Variants in CHD2 observed in about 807,000 individuals in gnomAD.
CHD2 encodes ATP-dependent chromatin remodeler CHD2.
Under a neutral mutation model 243.9 loss-of-function variants are expected in CHD2, and 28 were observed. That is an observed-to-expected ratio of 0.11 (90% CI 0.09 to 0.16). CHD2 has a LOEUF of 0.16. Ranked by LOEUF, CHD2 falls within the 10% of genes least tolerant of loss-of-function variation. The probability of loss-of-function intolerance (pLI) is 1.00; values close to 1 mark genes in which losing one functional copy is unlikely to be tolerated. For synonymous variants in CHD2, 775 were observed against 779.0 expected (o/e 0.99, Z 0.09); for missense variants, 1,386 against 2,209.8 (o/e 0.63, Z 7.47).
chr15:92,993,869 G>A (rs1317379471), intron 28 of CHD2, among the ~76,000 whole-genome samples: 1 of 152,202 alleles, frequency 6.6e-6, no homozygotes, highest in Non-Finnish European at 1.5e-5. Context: ...GTTCGATTGA[G>A]ACCAGGAGGC....
chr15:92,981,143 C>G (rs1368071375), intron 23 of CHD2, among the ~76,000 whole-genome samples: 1 of 151,914 alleles, frequency 6.6e-6, no homozygotes, highest in Non-Finnish European at 1.5e-5. Context: ...CATTTCTGTT[C>G]GTTTTAATTT....
intron 33 of CHD2, among the ~76,000 whole-genome samples, chr15:93,002,635 A>G (rs1567160116): frequency 2.0e-5 from 3 of 152,252 alleles, no homozygotes; most frequent in Admixed American, 1.3e-4. Flanking sequence ...ACGTTCTCAG[A>G]TTCATATTAG....
chr15:92,953,619 A>G (rs377551477), intron 14 of CHD2, 46 bp downstream of exon 14: 10 of 1,562,314 alleles, frequency 6.4e-6, no homozygotes, highest in Non-Finnish European at 7.9e-6. Flanking sequence ...TTATAAATGT[A>G]ATTTAGAAAT....
intron 19 of CHD2, chr15:92,974,645 C>G (rs2053884302): frequency 2.4e-6 from 1 of 418,204 alleles, no homozygotes; most frequent in Non-Finnish European, 4.4e-6. Flanking sequence ...TTGGCTAAAC[C>G]TGGACAGCCC....
At chr15:92,905,110 C>T in intron 2 of CHD2, 1 of 961,158 alleles carries the variant, frequency 1.0e-6, no homozygotes, top group Non-Finnish European at 1.5e-6. Context: ...TGGCAGAATA[C>T]AGCGTTAGGC....
intron 33 of CHD2, among the ~76,000 whole-genome samples, chr15:93,003,154 A>G (rs1195675183): frequency 6.6e-6 from 1 of 152,160 alleles, no homozygotes; most frequent in Non-Finnish European, 1.5e-5. Context: ...GCATTGCGGC[A>G]TGTGCCTACG....
Position 92,937,556 on chromosome 15 carries a change from A to T in CHD2, c.482A>T (p.Glu161Val). The T allele has an allele frequency of 6.2e-7, 1 of 1,613,632 alleles. No individual in the cohort carries two copies. The highest frequency in any genetic ancestry group is 8.5e-7 in the Non-Finnish European group (1 of 1,179,762). Residue 161 changes from glutamate (E) to valine (V), a missense_variant, in exon 6 of 39, where the codon GAA becomes GTA. Coordinates refer to ENST00000394196, the MANE Select transcript of CHD2 (RefSeq NM_001271.4). ...WKQEPSEDEQ[E>V]QGTSAESEPE... is the part of the protein sequence containing the mutation. Reference sequence around the variant, plus strand: ...CAGGAACCCTCAGAAGATGAACAGGAACAAGGCACCAGTGCAGAGAGTGAG... The same window carrying T: ...CAGGAACCCTCAGAAGATGAACAGGTACAAGGCACCAGTGCAGAGAGTGAG...
At position 93,023,677 on chromosome 15, in the gene CHD2, T is replaced by G. The variant is rs573140789; in HGVS notation, c.5154-695T>G. 7.0e-3 allele frequency among the ~76,000 whole-genome samples: 979 copies of G among 138,980 alleles called. 13 individuals are homozygous for G. The highest frequency in any genetic ancestry group is 0.026 in the African/African-American group (910 of 35,282). 91.2% of individuals were successfully genotyped at this position (138,980 alleles called of 152,430 possible). On this transcript the variant is annotated intron_variant, in intron 38 of 38. Transcript: ENST00000394196. ...AACACTTATTTCCTGGGTTTTTTTT[T>G]TGTGTTTTTTTTTAATGAGTATCTC...
At chr15:92,971,635 C>G in intron 17 of CHD2, 130 bp from the exon 18 acceptor site, 1 of 572,886 alleles carries the variant, frequency 1.7e-6, no homozygotes, top group Non-Finnish European at 2.8e-6. Flanking sequence ...AGAAAATATT[C>G]TTTGCTTCTT....
intron 23 of CHD2, among the ~76,000 whole-genome samples, 170 bp from the exon 24 acceptor site, chr15:92,981,195 A>G (rs1351504703): frequency 6.6e-6 from 1 of 152,176 alleles, no homozygotes; most frequent in Non-Finnish European, 1.5e-5. Flanking sequence ...ATAGTTTGAG[A>G]CATTAGATGT....
At position 93,026,175 on chromosome 15, in the gene CHD2, G is replaced by T. The variant is rs765206876; in HGVS notation, c.*1470G>T. On this transcript the variant is annotated 3_prime_UTR_variant, in exon 39 of 39. Coordinates refer to ENST00000394196, the MANE Select transcript of CHD2 (RefSeq NM_001271.4). ...CCAGTATTGTTAAGAGTATCCAAAGGCCTTTCTAGATGGAGACAGAATAAC... is the reference window on the plus strand; with the variant it reads ...CCAGTATTGTTAAGAGTATCCAAAGTCCTTTCTAGATGGAGACAGAATAAC... 2.0e-5 allele frequency: 3 copies of T among 152,590 alleles called. No homozygotes were observed. Among genetic ancestry groups the T allele is most frequent in the Non-Finnish European group, 4.4e-5 (3 of 68,044 alleles). 9.5% of individuals were successfully genotyped at this position (152,590 alleles called of 1,614,324 possible).
rs559501448 is a variant in CHD2 at position 92,963,610 on chromosome 15, C to T, written c.2001-3715C>T. Among the ~76,000 whole-genome samples the T allele has an allele frequency of 6.6e-5, 10 of 152,292 alleles. No homozygotes were observed. In the East Asian group the frequency reaches 1.7e-3, roughly 26 times the overall value. On this transcript the variant is annotated intron_variant, in intron 16 of 38. Transcript: ENST00000394196. ...TGATCTTCATTTCTTCCTGTGTATT[C>T]AGGTCGCTGTTGGGTATTGCTTTCT...
intron 7 of CHD2, among the ~76,000 whole-genome samples, chr15:92,940,340 A>C (rs113184542): frequency 6.6e-6 from 1 of 152,128 alleles, no homozygotes; most frequent in African/African-American, 2.4e-5. Flanking sequence ...CTGCAGTCCC[A>C]GCTACTTGGG....
intron 2 of CHD2, chr15:92,904,885 G>A: frequency 2.0e-6 from 3 of 1,532,264 alleles, no homozygotes; most frequent in Non-Finnish European, 2.6e-6. Flanking sequence ...ACCTCTTGAC[G>A]GGTGTTAACA....
chr15:92,996,016 A>G (rs1163288208), intron 28 of CHD2, among the ~76,000 whole-genome samples: 1 of 152,092 alleles, frequency 6.6e-6, no homozygotes. Flanking sequence ...GTGTCTATTC[A>G]TGTGTGCTGC....
Position 92,978,245 on chromosome 15 carries a change from C to T in CHD2, c.2589C>T (p.Phe863=). The T allele has an allele frequency of 6.2e-7, 1 of 1,614,216 alleles. No individual in the cohort carries two copies. Among genetic ancestry groups the T allele is most frequent in the Non-Finnish European group, 8.5e-7 (1 of 1,180,040 alleles). Residue 863 remains phenylalanine (F), a synonymous_variant, in exon 21 of 39, where the codon TTC becomes TTT. Transcript: ENST00000394196. ...TGCATTGTGTACAGGACTTCTGTTT[C>T]CTGCTCTCGACAAGGGCTGGTGGCC... The part of the protein sequence containing the change: ...FNADGSEDFC[F]LLSTRAGGLG...
intron 2 of CHD2, among the ~76,000 whole-genome samples, chr15:92,907,164 A>G (rs2141708749): frequency 6.6e-6 from 1 of 152,334 alleles, no homozygotes. Context: ...AAGCTCCTAT[A>G]TACTGAATAT....
intron 2 of CHD2, among the ~76,000 whole-genome samples, chr15:92,906,471 T>A (rs1464188522): frequency 6.6e-6 from 1 of 152,118 alleles, no homozygotes; most frequent in Non-Finnish European, 1.5e-5. Flanking sequence ...ACTCACAGAT[T>A]TTATCATTAG....
rs114303215 is a variant in CHD2, at chr15:92,912,161, G to A, written c.62+10862G>A. Among the ~76,000 whole-genome samples, 785 of 151,976 alleles carry A rather than the reference G, an allele frequency of 5.2e-3. 6 individuals are homozygous for A. Among genetic ancestry groups the A allele is most frequent in the African/African-American group, 0.017 (724 of 41,476 alleles). On this transcript the variant is annotated intron_variant, in intron 2 of 38. Coordinates refer to ENST00000394196, the MANE Select transcript of CHD2 (RefSeq NM_001271.4). ...GCTTCAAGTTTGTTTTTTTTTGTTC[G>A]AAACTTAGTTCCCAGACAGGTTTTG...
Sources: allele counts gnomAD v4.1 joint callset (sites outside exome capture counted in the v4.1 genomes callset), GRCh38; gene constraint gnomAD v4.1.1; transcripts MANE v1.5; gene names NCBI Gene and HGNC (gene_info 2026-07-23, HGNC 2026-07-21).